The following RNF19A variants were observed in gnomAD, a reference collection of about 807,000 sequenced individuals.
The protein encoded by RNF19A is E3 ubiquitin-protein ligase RNF19A.
A neutral mutation model predicts 75.7 loss-of-function variants in RNF19A; 32 were observed. The observed-to-expected ratio is 0.42, with a 90% CI of 0.32 to 0.57. The LOEUF is 0.57. Ranked by LOEUF, RNF19A falls within the 20% of genes least tolerant of loss-of-function variation. The pLI is 0.10. For missense variants in RNF19A, 782 were observed against 1,036.3 expected, an observed-to-expected ratio of 0.75 and a Z score of 3.37; for synonymous variants, 335 against 345.2, an observed-to-expected ratio of 0.97 and a Z score of 0.33.
At position 100,264,299 on chromosome 8, in the gene RNF19A, G is replaced by A. The variant is rs1160023930; in HGVS notation, c.1307-104C>T. The A allele has an allele frequency of 9.9e-6, 10 of 1,008,548 alleles. No homozygotes were observed. Among genetic ancestry groups the A allele is most frequent in the Middle Eastern group, 2.2e-4 (1 of 4,636 alleles). The allele number at this position is 1,008,548 out of a possible 1,614,324, so 62.5% of individuals were successfully genotyped here. ...TCAAGAGAGTCATACAGAGAAAAGC[G>A]CCAGGGTTCTGAAGAGTTGGCTGGA... is the stretch of plus-strand genomic sequence containing the variant. On this transcript the variant is annotated intron_variant, in intron 6 of 9. Coordinates refer to ENST00000341084, the MANE Select transcript of RNF19A (RefSeq NM_183419.4). This position sits in a 1 kb window ranked among gnomAD's most constrained non-coding sequence, Gnocchi z 4.7.
In RNF19A at chr8:100,261,803, T is replaced by C. The variant is rs781165373; in HGVS notation, c.1469-48A>G. The C allele has an allele frequency of 6.4e-7, 1 of 1,561,186 alleles. No individual in the cohort carries two copies. Among genetic ancestry groups the C allele is most frequent in the Non-Finnish European group, 8.8e-7 (1 of 1,131,884 alleles). ...AACTAAGTAAGTATGATTATCAATT[T>C]TCTCCTTCTTAAATTCCTCCATGAT... On this transcript the variant is annotated intron_variant, in intron 7 of 9. Transcript: ENST00000341084. This position sits in a 1 kb window ranked among gnomAD's most constrained non-coding sequence, Gnocchi z 4.4.
chr8:100,268,891 A>C lies in RNF19A; in HGVS notation c.1085T>G (p.Leu362Trp), dbSNP rs751406441. ...KKPWSRKKKI[L>W]WQLGTLVGAP... ...ACCAACCAGTGTTCCCAGTTGCCAC[A>C]ATATTTTCTTCTTTCGGCTCCAGGG... is the stretch of plus-strand genomic sequence containing the variant. The change falls in exon 5 of 10, where the codon TTG (leucine) becomes TGG (tryptophan). Residue 362 changes from leucine to tryptophan, a missense_variant. Around this residue, in one of 7 missense-constraint regions of RNF19A, gnomAD observed 41 missense variants for 75.9 expected, o/e 0.54. Coordinates refer to ENST00000341084, the MANE Select transcript of RNF19A (RefSeq NM_183419.4). 6.2e-7 allele frequency: 1 copy of C among 1,604,812 alleles called. No homozygotes were observed. The highest frequency in any genetic ancestry group is 1.1e-5 in the South Asian group (1 of 89,978).
intron 1 of RNF19A, among the ~76,000 whole-genome samples, chr8:100,304,548 C>T (rs138402879): frequency 6.6e-6 from 1 of 152,198 alleles, no homozygotes; most frequent in African/African-American, 2.4e-5. Context: ...TTCCAAATGA[C>T]CTTATTTCAT....
intron 1 of RNF19A, among the ~76,000 whole-genome samples, chr8:100,321,915 T>C (rs1392920046): frequency 1.3e-5 from 2 of 152,344 alleles, no homozygotes; most frequent in African/African-American, 4.8e-5. Flanking sequence ...TAAACCATGC[T>C]GTGAACAGAT....
intron 3 of RNF19A, among the ~76,000 whole-genome samples, chr8:100,274,573 T>C (rs1001785730): frequency 2.6e-5 from 4 of 152,106 alleles, no homozygotes; most frequent in Admixed American, 1.3e-4. Context: ...TTAGTAGAGA[T>C]GGGGTTTCAC....
chr8:100,293,958 G>A (rs1742416318), intron 1 of RNF19A, among the ~76,000 whole-genome samples: 1 of 151,896 alleles, frequency 6.6e-6, no homozygotes, highest in South Asian at 2.1e-4. Flanking sequence ...CTTTTTCATA[G>A]TTTCCATTTC....
At chr8:100,281,041 C>T (rs1006982342) in intron 2 of RNF19A, among the ~76,000 whole-genome samples, 1 of 152,204 alleles carries the variant, frequency 6.6e-6, no homozygotes, top group Non-Finnish European at 1.5e-5. Flanking sequence ...ATCTCTGACT[C>T]AAACAGCCCC....
intron 1 of RNF19A, among the ~76,000 whole-genome samples, chr8:100,297,320 T>C (rs1821613222): frequency 6.6e-6 from 1 of 152,194 alleles, no homozygotes; most frequent in Admixed American, 6.5e-5. Flanking sequence ...TAACCTAGGT[T>C]CTATGATCTC....
chr8:100,259,252 A>G lies in RNF19A; in HGVS notation c.1827-6T>C. 6.3e-7 allele frequency: 1 copy of G among 1,594,900 alleles called. No homozygotes were observed. Among genetic ancestry groups the G allele is most frequent in the Non-Finnish European group, 8.5e-7 (1 of 1,170,120 alleles). ...CCTCCATACTGTTGCCTTCTCTGAA[A>G]TATAAGAGTAACAAATACAAACATA... is the stretch of plus-strand genomic sequence containing the variant. On this transcript the variant is annotated splice_polypyrimidine_tract_variant and splice_region_variant and intron_variant, in intron 9 of 9. Coordinates refer to ENST00000341084, the MANE Select transcript of RNF19A (RefSeq NM_183419.4). The surrounding 1 kb of genome is among the most constrained non-coding windows in gnomAD (Gnocchi z 4.5).
chr8:100,289,009 G>A (rs1468763661), intron 1 of RNF19A, among the ~76,000 whole-genome samples: 1 of 146,426 alleles, frequency 6.8e-6, no homozygotes, highest in Non-Finnish European at 1.5e-5. Context: ...GCAGTGAGCC[G>A]AGATTGCGCC....
At chr8:100,267,891 T>C (rs1448103232) in intron 5 of RNF19A, among the ~76,000 whole-genome samples, 1 of 152,018 alleles carries the variant, frequency 6.6e-6, no homozygotes, top group African/African-American at 2.4e-5. Flanking sequence ...TTGGCCAGGC[T>C]GGTCTTGAAC....
At position 100,258,762 on chromosome 8, in the gene RNF19A, A is replaced by C. The variant is rs1343030839; in HGVS notation, c.2311T>G (p.Ser771Ala). ...PEVENDRLENSPHQCSISVVT... is the reference protein window; with the variant it reads ...PEVENDRLENAPHQCSISVVT... ...ACAGAAATGCTACACTGATGTGGGG[A>C]ATTTTCCAGACGGTCATTTTCTACC... is the stretch of plus-strand genomic sequence containing the variant. The change falls in exon 10 of 10, where the codon TCC becomes GCC. Residue 771 changes from serine to alanine, a missense_variant. Coordinates refer to ENST00000341084, the MANE Select transcript of RNF19A (RefSeq NM_183419.4). This position sits in a 1 kb window ranked among gnomAD's most constrained non-coding sequence, Gnocchi z 4.3. 3 of 1,614,220 alleles carry C rather than the reference A, an allele frequency of 1.9e-6. No homozygotes were observed. The highest frequency in any genetic ancestry group is 2.5e-6 in the Non-Finnish European group (3 of 1,180,040).
At chr8:100,292,452 G>C (rs866535024) in intron 1 of RNF19A, among the ~76,000 whole-genome samples, 29 of 151,898 alleles carry the variant, frequency 1.9e-4, no homozygotes, top group Non-Finnish European at 3.4e-4. Context: ...GTGTGTGTGT[G>C]TGTGTGTGTG....
At chr8:100,315,806 G>C (rs995706130) in intron 1 of RNF19A, among the ~76,000 whole-genome samples, 1 of 152,178 alleles carries the variant, frequency 6.6e-6, no homozygotes, top group Non-Finnish European at 1.5e-5. Flanking sequence ...ACCATGCCTG[G>C]CTAATCTTGC....
rs1408239105 is a variant in RNF19A at position 100,332,075 on chromosome 8, GT to G, written c.-243+4032del. The stretch of plus-strand genomic sequence containing the variant: ...AAACATATTTGTAAGAATTATCTGG[GT>G]TATATATTATTTTACACATATTGTG... On this transcript the variant is annotated intron_variant, in intron 1 of 3. Coordinates refer to the RNF19A transcript ENST00000519527. The surrounding 1 kb of genome is among the most constrained non-coding windows in gnomAD (Gnocchi z 4.8). Among the ~76,000 whole-genome samples, 3 of 152,044 alleles carry G rather than the reference GT, an allele frequency of 2.0e-5. No homozygotes were observed. The highest frequency in any genetic ancestry group is 2.9e-5 in the Non-Finnish European group (2 of 67,994).
chr8:100,302,384 A>T (rs961425356), intron 1 of RNF19A, among the ~76,000 whole-genome samples: 1 of 152,236 alleles, frequency 6.6e-6, no homozygotes, highest in Admixed American at 6.5e-5. Flanking sequence ...CTGATTAATC[A>T]GAAGGCTGAA....
rs1179471241 is a variant in RNF19A at position 100,257,454 on chromosome 8, A to G, written c.*1102T>C. On this transcript the variant is annotated 3_prime_UTR_variant, in exon 10 of 10. Transcript: ENST00000341084. ...TGAACATTGTCCATAAACAAAAGCA[A>G]AAGAAAATAATGCTAATCATACATG... 1 of 152,658 alleles carries G rather than the reference A, an allele frequency of 6.6e-6. No homozygotes were observed. The highest frequency in any genetic ancestry group is 1.5e-5 in the Non-Finnish European group (1 of 68,048). The allele number at this position is 152,658 out of a possible 1,614,324, so 9.5% of individuals were successfully genotyped here. A position where few individuals can be genotyped will look rare whatever the true frequency, so the allele number is the denominator to read the frequency against.
At position 100,260,848 on chromosome 8, in the gene RNF19A, G is replaced by A. The variant is rs1041797940; in HGVS notation, c.1682+694C>T. Among the ~76,000 whole-genome samples, 1 of 152,130 alleles carries A rather than the reference G, an allele frequency of 6.6e-6. No homozygotes were observed. Among genetic ancestry groups the A allele is most frequent in the Non-Finnish European group, 1.5e-5 (1 of 68,032 alleles). ...ATTAATACATAAAAGGACCCTAGCC[G>A]ATTATCCCGGTCCCAGTTCACACAT... On this transcript the variant is annotated intron_variant, in intron 8 of 9. Transcript: ENST00000341084. This position sits in a 1 kb window ranked among gnomAD's most constrained non-coding sequence, Gnocchi z 4.1.
At chr8:100,297,291 A>G (rs1821611018) in intron 1 of RNF19A, among the ~76,000 whole-genome samples, 1 of 152,242 alleles carries the variant, frequency 6.6e-6, no homozygotes, top group African/African-American at 2.4e-5. Flanking sequence ...GCGTGAGCAC[A>G]TAATACGCAG....
Sources: gnomAD v4.1 joint callset for allele counts (sites outside exome capture counted in the v4.1 genomes callset) on GRCh38, gnomAD v4.1.1 for gene constraint, gnomAD v4.1.1 regional missense constraint, Gnocchi (gnomAD v3.1) non-coding constraint, MANE v1.5 for transcripts, NCBI Gene and HGNC (gene_info 2026-07-23, HGNC 2026-07-21) for gene names.